Variants in UEVLD observed in about 807,000 individuals in gnomAD.
UEVLD encodes UEV and lactate/malate dehyrogenase domains.
In UEVLD, 47 loss-of-function variants were observed where a neutral mutation model predicts 58.6. The ratio of observed to expected loss-of-function variants is 0.80; its 90% CI spans 0.63 to 1.02. The LOEUF (loss-of-function observed/expected upper bound fraction) is 1.02, where lower values mean the gene tolerates loss of function less well. Among genes scored for constraint, UEVLD ranks in the 50% least tolerant of loss-of-function variants. The probability of loss-of-function intolerance (pLI) is 0.00; values close to 1 mark genes in which losing one functional copy is unlikely to be tolerated. For missense variants in UEVLD, 510 were observed against 550.6 expected (o/e 0.93, Z 0.74); for synonymous variants, 197 against 195.3 (o/e 1.01, Z -0.07).
Position 18,534,470 on chromosome 11 carries a change from C to G in UEVLD, c.1125-17G>C. On this transcript the variant is annotated splice_polypyrimidine_tract_variant and intron_variant, in intron 10 of 11. Coordinates refer to ENST00000396197, the MANE Select transcript of UEVLD (RefSeq NM_001040697.4). ...TCCATGGCTCTAGGTTACAAAAATA[C>G]GTGATCTCAGAAAATGCATAAAATA... is the stretch of plus-strand genomic sequence containing the variant. 1 of 1,553,796 alleles carries G rather than the reference C, an allele frequency of 6.4e-7. No homozygotes were observed. Among genetic ancestry groups the G allele is most frequent in the Non-Finnish European group, 8.6e-7 (1 of 1,161,444 alleles).
chr11:18,569,828 T>G (rs75342987), intron 4 of UEVLD: 10,502 of 159,718 alleles, frequency 0.066, 494 homozygotes, highest in East Asian at 0.19. Flanking sequence ...ACAGTATGAT[T>G]CAACTTATAT....
At chr11:18,547,487 C>T (rs1851351427) in intron 7 of UEVLD, among the ~76,000 whole-genome samples, 1 of 152,114 alleles carries the variant, frequency 6.6e-6, no homozygotes, top group South Asian at 2.1e-4. Context: ...CTCGCCATTG[C>T]ACTCCAGAGT....
intron 9 of UEVLD, among the ~76,000 whole-genome samples, chr11:18,537,060 T>G (rs1182793511): frequency 6.6e-6 from 1 of 151,570 alleles, no homozygotes; most frequent in African/African-American, 2.4e-5. Context: ...CATGCCCTGC[T>G]AATTTTTGTG....
In UEVLD at chr11:18,537,334, T is replaced by C. The variant is rs1258301949; in HGVS notation, c.1061-865A>G. On this transcript the variant is annotated intron_variant, in intron 9 of 11. Coordinates refer to ENST00000396197, the MANE Select transcript of UEVLD (RefSeq NM_001040697.4). ...TTTATATATATATATATTTTTTTTTTTTTTTCTTTTTCTTTTTGAGACGGA... is the reference window on the plus strand; with the variant it reads ...TTTATATATATATATATTTTTTTTTCTTTTTCTTTTTCTTTTTGAGACGGA... Among the ~76,000 whole-genome samples, 7 of 144,438 alleles carry C rather than the reference T, an allele frequency of 4.8e-5. 1 individual carries two copies. The East Asian group carries it at 1.0e-3, about 21-fold the overall frequency. The allele number at this position is 144,438 out of a possible 152,430, so 94.8% of individuals were successfully genotyped here. A position where few individuals can be genotyped will look rare whatever the true frequency, so the allele number is the denominator to read the frequency against.
chr11:18,579,990 T>C (rs1853143984), intron 1 of UEVLD, among the ~76,000 whole-genome samples: 1 of 151,074 alleles, frequency 6.6e-6, no homozygotes, highest in Non-Finnish European at 1.5e-5. Context: ...AGATGGCAAT[T>C]TTCCTCAACA....
chr11:18,543,292 C>T (rs956086755), intron 9 of UEVLD, among the ~76,000 whole-genome samples: 6 of 152,114 alleles, frequency 3.9e-5, no homozygotes, highest in Admixed American at 1.3e-4. Flanking sequence ...ACTAATTTTC[C>T]CCAGATCACT....
chr11:18,560,139 A>ACACACACACACCAGCCTGG (rs1565125613), intron 6 of UEVLD, among the ~76,000 whole-genome samples: 1 of 27,680 alleles, frequency 3.6e-5, no homozygotes, highest in East Asian at 2.0e-3. Flanking sequence ...ACACACACAC[A>ACACACACACACCAGCCTGG]GAGAGAGAAA....
At chr11:18,555,072 T>G (rs750499250) in intron 7 of UEVLD, among the ~76,000 whole-genome samples, 27 of 151,986 alleles carry the variant, frequency 1.8e-4, no homozygotes, top group Non-Finnish European at 1.6e-4. Flanking sequence ...AGAGAACGGC[T>G]TGAATCCAGG....
intron 6 of UEVLD, among the ~76,000 whole-genome samples, chr11:18,558,679 G>A (rs1851867853): frequency 6.6e-6 from 1 of 151,522 alleles, no homozygotes; most frequent in South Asian, 2.1e-4. Context: ...AGCTATTCAG[G>A]AGGCTGAGGC....
chr11:18,532,520 T>G, intron 11 of UEVLD, 33 bp from the exon 12 acceptor site: 1 of 1,495,348 alleles, frequency 6.7e-7, no homozygotes, highest in Non-Finnish European at 9.1e-7. Context: ...TTAATAGAAC[T>G]AAATCATTGC....
At chr11:18,588,501 T>G (rs1590387669) in intron 1 of UEVLD, 112 bp downstream of exon 1, 3 of 1,328,820 alleles carry the variant, frequency 2.3e-6, no homozygotes, top group Non-Finnish European at 3.1e-6. Context: ...CCGCCCCGGC[T>G]CCAAGCCCCA....
At chr11:18,551,898 C>T (rs749819098) in intron 7 of UEVLD, among the ~76,000 whole-genome samples, 7 of 152,094 alleles carry the variant, frequency 4.6e-5, no homozygotes, top group African/African-American at 9.7e-5. Flanking sequence ...CTACTGTTCT[C>T]GGATTATGAG....
intron 9 of UEVLD, among the ~76,000 whole-genome samples, chr11:18,538,654 C>T (rs201757859): frequency 1.6e-5 from 1 of 60,912 alleles, no homozygotes; most frequent in Non-Finnish European, 3.4e-5. Context: ...GGTACACAAT[C>T]GAGGAAAATA....
intron 6 of UEVLD, among the ~76,000 whole-genome samples, chr11:18,560,210 G>C (rs1035462866): frequency 6.6e-6 from 1 of 151,128 alleles, no homozygotes; most frequent in African/African-American, 2.4e-5. Context: ...ACTGAATTCG[G>C]CCTTACTTTA....
chr11:18,563,638 C>T (rs1852148281), intron 6 of UEVLD: 1 of 967,102 alleles, frequency 1.0e-6, no homozygotes, highest in Non-Finnish European at 1.2e-6. Flanking sequence ...GATGAGAAAA[C>T]AAGCAACTTG....
At chr11:18,550,688 T>C (rs139795506) in intron 7 of UEVLD, among the ~76,000 whole-genome samples, 20 of 152,324 alleles carry the variant, frequency 1.3e-4, no homozygotes, top group African/African-American at 4.8e-4. Context: ...AATCACATAG[T>C]GCCTCCTCAC....
At chr11:18,562,079 A>G (rs1852063857) in intron 6 of UEVLD, among the ~76,000 whole-genome samples, 1 of 152,124 alleles carries the variant, frequency 6.6e-6, no homozygotes, top group Non-Finnish European at 1.5e-5. Flanking sequence ...TTAACGTCTA[A>G]AAAGAAAAAC....
In UEVLD at chr11:18,570,039, G is replaced by C. The variant is rs540728420; in HGVS notation, c.357+175C>G. On this transcript the variant is annotated intron_variant, in intron 4 of 11. Transcript: ENST00000396197. ...AGCTTTGTACAGGCAGTTGTCATCA[G>C]GGTTCTGGGACTTGGGTAACCCTAG... 1,058 of 606,458 alleles carry C rather than the reference G, an allele frequency of 1.7e-3. 1 individual carries two copies. Among genetic ancestry groups the C allele is most frequent in the Non-Finnish European group, 2.5e-3 (973 of 391,182 alleles). 37.6% of individuals were successfully genotyped at this position (606,458 alleles called of 1,614,324 possible).
At chr11:18,555,629 T>C (rs1342677185) in intron 7 of UEVLD, among the ~76,000 whole-genome samples, 1 of 151,914 alleles carries the variant, frequency 6.6e-6, no homozygotes, top group African/African-American at 2.4e-5. Flanking sequence ...CTTCATCTAA[T>C]AGTAATTAAA....
Sources: gnomAD v4.1 joint callset for allele counts (sites outside exome capture counted in the v4.1 genomes callset) on GRCh38, gnomAD v4.1.1 for gene constraint, MANE v1.5 for transcripts, NCBI Gene and HGNC (gene_info 2026-07-23, HGNC 2026-07-21) for gene names.